LIMA1: variants seen among roughly 807,000 people sequenced by gnomAD.
LIMA1 encodes LIM domain and actin binding 1.
Under a neutral mutation model 62.6 loss-of-function variants are expected in LIMA1, and 52 were observed. That is an observed-to-expected ratio of 0.83 (90% CI 0.67 to 1.05). The LOEUF (loss-of-function observed/expected upper bound fraction) is 1.05, where lower values mean the gene tolerates loss of function less well. Ranked by LOEUF, LIMA1 falls within the 50% of genes least tolerant of loss-of-function variation. The probability of loss-of-function intolerance (pLI) is 0.00; values close to 1 mark genes in which losing one functional copy is unlikely to be tolerated. For missense variants in LIMA1, 780 were observed against 902.2 expected, an observed-to-expected ratio of 0.86 and a Z score of 1.74; for synonymous variants, 302 against 317.8, an observed-to-expected ratio of 0.95 and a Z score of 0.53.
chr12:50,210,948 G>C (rs992988756), intron 4 of LIMA1, among the ~76,000 whole-genome samples: 8 of 152,146 alleles, frequency 5.3e-5, no homozygotes, highest in Admixed American at 1.3e-4. Context: ...GGTAAGATGG[G>C]TTTTCATGAT....
chr12:50,183,996 G>A (rs1037849739), intron 9 of LIMA1, among the ~76,000 whole-genome samples: 1 of 152,046 alleles, frequency 6.6e-6, no homozygotes, highest in South Asian at 2.1e-4. Context: ...ATAAAAGGAA[G>A]TTTAATAAAA....
At chr12:50,235,939 T>G (rs1592543894) in intron 2 of LIMA1, among the ~76,000 whole-genome samples, 1 of 151,998 alleles carries the variant, frequency 6.6e-6, no homozygotes, top group Non-Finnish European at 1.5e-5. Flanking sequence ...TGGAGGTGGG[T>G]GGATCACCTG....
At chr12:50,278,163 G>C (rs1439213962) in intron 1 of LIMA1, among the ~76,000 whole-genome samples, 1 of 152,120 alleles carries the variant, frequency 6.6e-6, no homozygotes, top group Admixed American at 6.5e-5. Flanking sequence ...GCTCATGCCT[G>C]TAATCCCAGC....
chr12:50,203,056 C>G (rs906080482), intron 6 of LIMA1, among the ~76,000 whole-genome samples: 4 of 144,296 alleles, frequency 2.8e-5, no homozygotes, highest in African/African-American at 7.8e-5. Flanking sequence ...GTCACCCAGG[C>G]TGGAGTACAG....
chr12:50,262,455 CATCAAATGCTG>C (rs1337385992), intron 1 of LIMA1, among the ~76,000 whole-genome samples: 1 of 151,930 alleles, frequency 6.6e-6, no homozygotes, highest in Non-Finnish European at 1.5e-5. Context: ...GAGGTTCCCT[CATCAAATGCTG>C]GAAAACACTG....
At chr12:50,217,838 A>G in intron 4 of LIMA1, 1 of 220,634 alleles carries the variant, frequency 4.5e-6, no homozygotes, top group South Asian at 6.1e-5. Flanking sequence ...TAGGACGCTC[A>G]CTTCAGAAAT....
chr12:50,278,632 G>T (rs915792826), intron 1 of LIMA1, among the ~76,000 whole-genome samples: 1 of 152,094 alleles, frequency 6.6e-6, no homozygotes, highest in African/African-American at 2.4e-5. Flanking sequence ...TTTGCACAAA[G>T]ATTTATGCAT....
rs28687163 is a variant in LIMA1 at position 50,193,580 on chromosome 12, T to C, written c.1031-1019A>G. Among the ~76,000 whole-genome samples the C allele has an allele frequency of 1.9e-3, 238 of 125,616 alleles. 1 individual carries two copies. Among genetic ancestry groups the C allele is most frequent in the African/African-American group, 6.8e-3 (220 of 32,124 alleles). 82.4% of individuals were successfully genotyped at this position (125,616 alleles called of 152,430 possible). Reference sequence around the variant, plus strand: ...CATATATGTATATATGATATATATATACATGTATATATGATATATATATAC... The same window carrying C: ...CATATATGTATATATGATATATATACACATGTATATATGATATATATATAC... On this transcript the variant is annotated intron_variant, in intron 8 of 10. Transcript: ENST00000341247.
At chr12:50,189,863 C>T (rs1015637363) in intron 9 of LIMA1, 1 of 149,630 alleles carries the variant, frequency 6.7e-6, no homozygotes, top group African/African-American at 2.5e-5. Flanking sequence ...AGGTGCCTGC[C>T]ATCATGCTCA....
Position 50,227,530 on chromosome 12 carries a change from A to G in LIMA1, c.165+4135T>C, listed in dbSNP as rs1941549785. Reference sequence around the variant, plus strand: ...GATGTGAGCCACCGTGCCAGGCCCGAAGTCTTCCCTTTACTCCTCACTCTC... The same window carrying G: ...GATGTGAGCCACCGTGCCAGGCCCGGAGTCTTCCCTTTACTCCTCACTCTC... On this transcript the variant is annotated intron_variant, in intron 3 of 10. Transcript: ENST00000341247. 2.6e-5 allele frequency among the ~76,000 whole-genome samples: 4 copies of G among 151,766 alleles called. No homozygotes were observed. The South Asian group carries it at 8.4e-4, about 32-fold the overall frequency.
At chr12:50,204,425 A>G in intron 6 of LIMA1, 127 bp downstream of exon 6, 1 of 1,107,388 alleles carries the variant, frequency 9.0e-7, no homozygotes, top group South Asian at 1.9e-5. Context: ...GGTTCATGTG[A>G]AAAGAGAACA....
chr12:50,177,182 G>C lies in LIMA1; in HGVS notation c.2162C>G (p.Thr721Ser). ...CACATCCTGGGATTTCTGATTCTGAGTAGTGAATTCTTCAGCAAAGGTGTT... is the reference window on the plus strand; with the variant it reads ...CACATCCTGGGATTTCTGATTCTGACTAGTGAATTCTTCAGCAAAGGTGTT... Reference protein sequence around the residue: ...VDNTFAEEFTTQNQKSQDVEL... With the variant: ...VDNTFAEEFTSQNQKSQDVEL... The change falls in exon 11 of 11, where the codon ACT becomes AGT. Residue 721 changes from threonine to serine, a missense_variant. Physicochemically the swap from Thr to Ser is moderately conservative, Grantham distance 58 (BLOSUM62 1). Transcript: ENST00000341247. 5.0e-6 allele frequency: 8 copies of C among 1,614,048 alleles called. No homozygotes were observed. Among genetic ancestry groups the C allele is most frequent in the Non-Finnish European group, 6.8e-6 (8 of 1,179,994 alleles).
intron 2 of LIMA1, among the ~76,000 whole-genome samples, chr12:50,234,556 T>C (rs1433132664): frequency 6.6e-6 from 1 of 152,096 alleles, no homozygotes; most frequent in Admixed American, 6.6e-5. Flanking sequence ...AGTCATGCAT[T>C]GAAGTCAGCA....
chr12:50,277,840 A>C (rs1942293160), intron 1 of LIMA1, among the ~76,000 whole-genome samples: 1 of 152,264 alleles, frequency 6.6e-6, no homozygotes, highest in Non-Finnish European at 1.5e-5. Context: ...TAAAATGTTA[A>C]CGCCCAAATA....
chr12:50,264,709 G>A (rs905701964), intron 1 of LIMA1, among the ~76,000 whole-genome samples: 1 of 152,200 alleles, frequency 6.6e-6, no homozygotes, highest in Non-Finnish European at 1.5e-5. Flanking sequence ...GTCAGAGGCA[G>A]ATCTTGTCAG....
At chr12:50,272,024 T>C (rs928002986) in intron 1 of LIMA1, among the ~76,000 whole-genome samples, 1 of 152,188 alleles carries the variant, frequency 6.6e-6, no homozygotes, top group Non-Finnish European at 1.5e-5. Flanking sequence ...CTGTTAAAGA[T>C]ATAACCTTCT....
At chr12:50,249,456 T>A (rs1486431270) in intron 1 of LIMA1, among the ~76,000 whole-genome samples, 2 of 152,212 alleles carry the variant, frequency 1.3e-5, no homozygotes, top group Non-Finnish European at 2.9e-5. Context: ...AAGAGCATTT[T>A]AAGTATAATT....
chr12:50,263,831 A>C (rs1255294415), intron 1 of LIMA1, among the ~76,000 whole-genome samples: 1 of 117,172 alleles, frequency 8.5e-6, no homozygotes, highest in African/African-American at 3.4e-5. Flanking sequence ...ATATATAGAG[A>C]GAGTATATAT....
At chr12:50,278,146 C>T (rs1002384427) in intron 1 of LIMA1, among the ~76,000 whole-genome samples, 3 of 150,978 alleles carry the variant, frequency 2.0e-5, no homozygotes, top group African/African-American at 7.3e-5. Context: ...ACGGGCTGGG[C>T]GAGGTGGCTC....
Sources: allele counts gnomAD v4.1 joint callset (sites outside exome capture counted in the v4.1 genomes callset), GRCh38; gene constraint gnomAD v4.1.1; transcripts MANE v1.5; gene names NCBI Gene and HGNC (gene_info 2026-07-23, HGNC 2026-07-21).